RERE: variants seen among roughly 807,000 people sequenced by gnomAD.
RERE encodes arginine-glutamic acid dipeptide repeats, also known as arginine-glutamic acid dipeptide repeats protein.
In RERE, 40 loss-of-function variants were observed where a neutral mutation model predicts 146.1. That is an observed-to-expected ratio of 0.27 (90% CI 0.21 to 0.36). The LOEUF is 0.36. RERE is among the 10% of genes least tolerant of loss of function. RERE has a pLI of 1.00. For synonymous variants in RERE, 1,003 were observed against 866.0 expected (o/e 1.16, Z -2.78); for missense variants, 1,933 against 2,138.7 (o/e 0.90, Z 1.90).
At chr1:8,378,148 A>G (rs969880480) in intron 12 of RERE, among the ~76,000 whole-genome samples, 2 of 152,264 alleles carry the variant, frequency 1.3e-5, no homozygotes, top group Non-Finnish European at 2.9e-5. Context: ...GAGCGGAAAC[A>G]AAAATTACAC....
chr1:8,810,983 T>TA (rs928853332), intron 1 of RERE, among the ~76,000 whole-genome samples: 3 of 152,048 alleles, frequency 2.0e-5, no homozygotes, highest in Admixed American at 6.6e-5. Context: ...TGATACCACC[T>TA]AAAAAAAGGA....
At chr1:8,675,730 C>CATAT (rs1421769127) in intron 1 of RERE, among the ~76,000 whole-genome samples, 5 of 139,806 alleles carry the variant, frequency 3.6e-5, no homozygotes, top group African/African-American at 8.1e-5. Flanking sequence ...ACTCAAAATA[C>CATAT]ATACATATAT....
intron 2 of RERE, among the ~76,000 whole-genome samples, chr1:8,639,552 TGA>T (rs1647148590): frequency 6.6e-6 from 1 of 152,244 alleles, no homozygotes; most frequent in African/African-American, 2.4e-5. Flanking sequence ...AGTTAGAAAC[TGA>T]GTTATATAAC....
At chr1:8,693,206 T>C (rs1178697168) in intron 1 of RERE, among the ~76,000 whole-genome samples, 1 of 152,086 alleles carries the variant, frequency 6.6e-6, no homozygotes, top group African/African-American at 2.4e-5. Flanking sequence ...AAACTAAACA[T>C]ACTCTTACCA....
At position 8,360,849 on chromosome 1, in the gene RERE, C is replaced by T. The variant is rs753006785; in HGVS notation, c.2658G>A (p.Gly886=). The T allele has an allele frequency of 1.3e-6, 2 of 1,538,286 alleles. No homozygotes were observed. The highest frequency in any genetic ancestry group is 2.4e-5 in the South Asian group (2 of 84,790). The change falls in exon 18 of 23, where the codon GGG becomes GGA. Residue 886 remains glycine, a synonymous_variant. Transcript: ENST00000400908. The part of the protein sequence containing the change: ...PQASQGQAPL[G]TSPAAAYPHT... Reference sequence around the variant, plus strand: ...GAGGGTACGCTGCTGCTGGGGAGGTCCCCAGAGGGGCCTGGCCTTGGGAGG... The same window carrying T: ...GAGGGTACGCTGCTGCTGGGGAGGTTCCCAGAGGGGCCTGGCCTTGGGAGG...
chr1:8,779,268 C>T (rs546925718), intron 1 of RERE, among the ~76,000 whole-genome samples: 2 of 151,530 alleles, frequency 1.3e-5, no homozygotes, highest in East Asian at 3.9e-4. Context: ...TGGCTCACAC[C>T]TGTAATCCCA....
At chr1:8,485,377 G>A (rs945685450) in intron 10 of RERE, among the ~76,000 whole-genome samples, 4 of 151,862 alleles carry the variant, frequency 2.6e-5, no homozygotes, top group East Asian at 1.9e-4. Flanking sequence ...AAAGACATAC[G>A]GCTAAAGTTT....
At chr1:8,582,764 T>G (rs1376049286) in intron 4 of RERE, among the ~76,000 whole-genome samples, 1 of 151,990 alleles carries the variant, frequency 6.6e-6, no homozygotes, top group Non-Finnish European at 1.5e-5. Flanking sequence ...CCCTGAAATC[T>G]CTAACACTGA....
chr1:8,567,325 T>G (rs908716365), intron 4 of RERE, among the ~76,000 whole-genome samples: 5 of 152,150 alleles, frequency 3.3e-5, no homozygotes, highest in South Asian at 4.1e-4. Flanking sequence ...TGTTGAAGCA[T>G]GAAGGGGGAA....
intron 11 of RERE, among the ~76,000 whole-genome samples, chr1:8,453,641 AC>A (rs2124080796): frequency 6.6e-6 from 1 of 152,238 alleles, no homozygotes; most frequent in East Asian, 1.9e-4. Flanking sequence ...CCCTGTCTCT[AC>A]TAAAAATACA....
In RERE at chr1:8,539,239, A is replaced by T. The variant is rs1244872420; in HGVS notation, c.830+1975T>A. Among the ~76,000 whole-genome samples, 3 of 152,320 alleles carry T rather than the reference A, an allele frequency of 2.0e-5. No homozygotes were observed. In the East Asian group the frequency reaches 5.8e-4, roughly 29 times the overall value. On this transcript the variant is annotated intron_variant, in intron 7 of 22. Coordinates refer to ENST00000400908, the MANE Select transcript of RERE (RefSeq NM_001042681.2). The stretch of plus-strand genomic sequence containing the variant: ...TTTACAATTTACCTGGGCAACAGGA[A>T]GACATGAGAAGGTAGCCAATAAATG...
intron 1 of RERE, among the ~76,000 whole-genome samples, chr1:8,761,120 A>C (rs1306563855): frequency 6.6e-6 from 1 of 152,204 alleles, no homozygotes; most frequent in Non-Finnish European, 1.5e-5. Context: ...TCTTACCAAA[A>C]TGAGAATCAA....
intron 1 of RERE, among the ~76,000 whole-genome samples, chr1:8,812,960 C>A (rs1343334427): frequency 6.6e-6 from 1 of 151,872 alleles, no homozygotes; most frequent in Non-Finnish European, 1.5e-5. Flanking sequence ...AAAACACACA[C>A]ACACACAAAC....
chr1:8,604,709 C>T (rs936245205), intron 4 of RERE, among the ~76,000 whole-genome samples: 7 of 151,852 alleles, frequency 4.6e-5, no homozygotes, highest in South Asian at 4.2e-4. Context: ...AATAAAGGAA[C>T]GATCTTTCTG....
In RERE at chr1:8,573,118, ATCTT is replaced by A. The variant is rs1646242564; in HGVS notation, c.523-15599_523-15596del. On this transcript the variant is annotated intron_variant, in intron 4 of 22. Coordinates refer to ENST00000400908, the MANE Select transcript of RERE (RefSeq NM_001042681.2). The stretch of plus-strand genomic sequence containing the variant: ...AAAGGTGGCTCTACTTTCTTGCTTT[ATCTT>A]TCTTATTTTTCTTTTTAAAGTTTTA... Among the ~76,000 whole-genome samples, 3 of 152,298 alleles carry A rather than the reference ATCTT, an allele frequency of 2.0e-5. No homozygotes were observed. In the East Asian group the frequency reaches 5.8e-4, roughly 29 times the overall value.
intron 2 of RERE, among the ~76,000 whole-genome samples, chr1:8,644,324 C>T (rs939133851): frequency 2.6e-5 from 4 of 152,164 alleles, no homozygotes; most frequent in Admixed American, 6.5e-5. Context: ...TCCTGAAGGG[C>T]CCTATTCCAG....
intron 1 of RERE, among the ~76,000 whole-genome samples, chr1:8,693,412 T>C (rs1049812703): frequency 1.3e-5 from 2 of 152,208 alleles, no homozygotes; most frequent in African/African-American, 2.4e-5. Context: ...TTATCAGTGA[T>C]AAAAAGTAGT....
At chr1:8,715,209 C>T (rs1308191076) in intron 1 of RERE, among the ~76,000 whole-genome samples, 2 of 150,786 alleles carry the variant, frequency 1.3e-5, no homozygotes, top group African/African-American at 2.4e-5. Flanking sequence ...TATATACATG[C>T]CTATAATAAT....
At chr1:8,517,761 T>C (rs1015690323) in intron 7 of RERE, among the ~76,000 whole-genome samples, 4 of 152,210 alleles carry the variant, frequency 2.6e-5, no homozygotes, top group Non-Finnish European at 4.4e-5. Flanking sequence ...TACAACTTAA[T>C]ATTTCAGTCC....
Sources: gnomAD v4.1 joint callset for allele counts (sites outside exome capture counted in the v4.1 genomes callset) on GRCh38, gnomAD v4.1.1 for gene constraint, MANE v1.5 for transcripts, NCBI Gene and HGNC (gene_info 2026-07-23, HGNC 2026-07-21) for gene names.